Variants in ANKRD31 observed in about 807,000 individuals in gnomAD.
ANKRD31 encodes ankyrin repeat domain-containing protein 31.
A neutral mutation model predicts 186.0 loss-of-function variants in ANKRD31; 147 were observed. That is an observed-to-expected ratio of 0.79 (90% confidence interval 0.69 to 0.91). ANKRD31 has a LOEUF of 0.91. Ranked by LOEUF, ANKRD31 falls within the 40% of genes least tolerant of loss-of-function variation. The probability of loss-of-function intolerance (pLI) is 0.00; values close to 1 mark genes in which losing one functional copy is unlikely to be tolerated. For synonymous variants in ANKRD31, 673 were observed against 736.4 expected (o/e 0.91, Z 1.39); for missense variants, 1,986 against 2,148.8 (o/e 0.92, Z 1.50).
chr5:75,156,143 G>A (rs1752154562), intron 11 of ANKRD31, among the ~76,000 whole-genome samples: 1 of 152,130 alleles, frequency 6.6e-6, no homozygotes, highest in Admixed American at 6.5e-5. Flanking sequence ...AACCTCAAGA[G>A]ATCCACTCAC....
intron 17 of ANKRD31, among the ~76,000 whole-genome samples, chr5:75,120,520 G>A (rs191044070): frequency 4.3e-4 from 66 of 152,294 alleles, no homozygotes; most frequent in Middle Eastern, 3.4e-3. Flanking sequence ...TATGCCAGTG[G>A]ATAAAGTATG....
chr5:75,223,651 G>C (rs1210904142), intron 2 of ANKRD31, among the ~76,000 whole-genome samples: 1 of 152,104 alleles, frequency 6.6e-6, no homozygotes, highest in African/African-American at 2.4e-5. Flanking sequence ...ATGGATTCAA[G>C]GAAACCCAAA....
chr5:75,199,312 A>G (rs1755663504), intron 6 of ANKRD31, among the ~76,000 whole-genome samples: 1 of 152,242 alleles, frequency 6.6e-6, no homozygotes, highest in Non-Finnish European at 1.5e-5. Flanking sequence ...CCAAGTAAAA[A>G]GCAAATCCAA....
chr5:75,148,937 A>G (rs1288441914), intron 12 of ANKRD31, among the ~76,000 whole-genome samples: 1 of 151,860 alleles, frequency 6.6e-6, no homozygotes, highest in Non-Finnish European at 1.5e-5. Context: ...TGACCTTTTT[A>G]TTCAATAGAT....
chr5:75,174,705 C>T (rs563675343), intron 10 of ANKRD31, among the ~76,000 whole-genome samples: 41 of 152,122 alleles, frequency 2.7e-4, no homozygotes, highest in African/African-American at 7.5e-4. Context: ...AGTTAGAATG[C>T]GATCATTAAA....
chr5:75,101,508 C>A (rs561663103), intron 22 of ANKRD31, among the ~76,000 whole-genome samples: 4 of 152,188 alleles, frequency 2.6e-5, no homozygotes, highest in African/African-American at 9.6e-5. Context: ...TGGATAATAT[C>A]CTGAAGAGTG....
intron 10 of ANKRD31, among the ~76,000 whole-genome samples, chr5:75,176,247 G>A (rs1347162961): frequency 1.3e-5 from 2 of 152,180 alleles, no homozygotes. Context: ...AGCTCGAACT[G>A]GGTGGAGCCC....
At position 75,224,115 on chromosome 5, in the gene ANKRD31, T is replaced by A. The variant is rs1311879987; in HGVS notation, c.179-1757A>T. Among the ~76,000 whole-genome samples the A allele has an allele frequency of 5.6e-5, 7 of 124,630 alleles. No individual in the cohort carries two copies. The South Asian group carries it at 1.4e-3, about 24-fold the overall frequency. 81.8% of individuals were successfully genotyped at this position (124,630 alleles called of 152,430 possible). On this transcript the variant is annotated intron_variant, in intron 2 of 25. Transcript: ENST00000506364. ...CACACAACACAGGAAAAGGAAGAGATCTCTCAGAAATAATTATATATATAT... is the reference window on the plus strand; with the variant it reads ...CACACAACACAGGAAAAGGAAGAGAACTCTCAGAAATAATTATATATATAT...
Position 75,225,655 on chromosome 5 carries a change from T to C in ANKRD31, c.179-3297A>G, listed in dbSNP as rs1757582316. On this transcript the variant is annotated intron_variant, in intron 2 of 25. Transcript: ENST00000506364. Reference sequence around the variant, plus strand: ...ACAAGTGATGTGTTCCAAGAGCAGATAGGAGGTGTCTACTTAAAAGAAAAC... The same window carrying C: ...ACAAGTGATGTGTTCCAAGAGCAGACAGGAGGTGTCTACTTAAAAGAAAAC... The C allele has an allele frequency of 1.8e-5, 3 of 167,812 alleles. 1 individual carries two copies. The highest frequency in any genetic ancestry group is 2.8e-4 in the South Asian group (2 of 7,074). The allele number at this position is 167,812 out of a possible 1,614,324, so 10.4% of individuals were successfully genotyped here. A position where few individuals can be genotyped will look rare whatever the true frequency, so the allele number is the denominator to read the frequency against.
chr5:75,109,750 T>G (rs1054398851), intron 20 of ANKRD31, among the ~76,000 whole-genome samples: 1 of 152,134 alleles, frequency 6.6e-6, no homozygotes, highest in Non-Finnish European at 1.5e-5. Flanking sequence ...TCCTGAGGAC[T>G]TGTTGTGAAG....
chr5:75,230,108 G>A (rs567532792), intron 2 of ANKRD31, among the ~76,000 whole-genome samples: 3 of 151,966 alleles, frequency 2.0e-5, no homozygotes, highest in South Asian at 4.2e-4. Context: ...TTCTTCAATG[G>A]ACTGGCCTCC....
chr5:75,105,105 T>G lies in ANKRD31; in HGVS notation c.4454A>C (p.Lys1485Thr). ...VAKKQKKISLKIQNCRNVTSL... is the reference protein window; with the variant it reads ...VAKKQKKISLTIQNCRNVTSL... ...TGTAACATTCCTACAGTTTTGAATT[T>G]TCAGGCTTATTTTTTTCTGTTTTTT... The change falls in exon 22 of 26, where the codon AAA becomes ACA. Residue 1485 changes from lysine to threonine, a missense_variant. Physicochemically the swap from Lys to Thr is moderately conservative, Grantham distance 78. Coordinates refer to ENST00000506364, the MANE Select transcript of ANKRD31 (RefSeq NM_001372053.1). The G allele has an allele frequency of 6.5e-7, 1 of 1,537,158 alleles. No individual in the cohort carries two copies. Among genetic ancestry groups the G allele is most frequent in the Non-Finnish European group, 8.7e-7 (1 of 1,146,860 alleles).
At position 75,154,239 on chromosome 5, in the gene ANKRD31, T is replaced by C; in HGVS notation, c.1814A>G (p.Glu605Gly). 1 of 1,532,966 alleles carries C rather than the reference T, an allele frequency of 6.5e-7. No individual in the cohort carries two copies. The highest frequency in any genetic ancestry group is 1.2e-5 in the South Asian group (1 of 83,236). The allele number at this position is 1,532,966 out of a possible 1,614,324, so 95.0% of individuals were successfully genotyped here. Residue 605 changes from glutamate (E) to glycine (G), a missense_variant, in exon 12 of 26, where the codon GAG (glutamate) becomes GGG (glycine). By Grantham distance (98) the Glu-to-Gly change is moderately conservative. Transcript: ENST00000506364. ...TTTTTGATGTTTAGGGATATATCTCTCAAGGAGACGCTTCATACATAAATC... is the reference window on the plus strand; with the variant it reads ...TTTTTGATGTTTAGGGATATATCTCCCAAGGAGACGCTTCATACATAAATC... ...AKDLCMKRLL[E>G]RYIPKHQKCL...
intron 14 of ANKRD31, among the ~76,000 whole-genome samples, chr5:75,144,811 C>A (rs1211451499): frequency 1.3e-5 from 2 of 152,026 alleles, no homozygotes; most frequent in African/African-American, 4.8e-5. Context: ...AACAGGCAAC[C>A]TACTGAATGG....
At chr5:75,077,917 G>A (rs1184874279) in intron 25 of ANKRD31, among the ~76,000 whole-genome samples, 1 of 128,850 alleles carries the variant, frequency 7.8e-6, no homozygotes, top group East Asian at 2.2e-4. Flanking sequence ...GGGCGAAAGA[G>A]CGAGACTCCG....
chr5:75,083,252 C>A (rs1745221638), intron 24 of ANKRD31, among the ~76,000 whole-genome samples: 1 of 152,108 alleles, frequency 6.6e-6, no homozygotes, highest in African/African-American at 2.4e-5. Flanking sequence ...CTTGTACTAG[C>A]ATGTCAGCAC....
chr5:75,176,696 C>A (rs1753828451), intron 10 of ANKRD31, among the ~76,000 whole-genome samples: 1 of 152,112 alleles, frequency 6.6e-6, no homozygotes, highest in African/African-American at 2.4e-5. Context: ...GGAAAACTAA[C>A]AAAAAGAAAG....
In ANKRD31 at chr5:75,115,124, C is replaced by G. The variant is rs987514684; in HGVS notation, c.4155+1442G>C. The stretch of plus-strand genomic sequence containing the variant: ...CGCTGCATATCTACAACTATCTGAT[C>G]TTTGACAAACCTGAGAAAAACAAGC... On this transcript the variant is annotated intron_variant, in intron 19 of 25. Transcript: ENST00000506364. 2.2e-4 allele frequency among the ~76,000 whole-genome samples: 34 copies of G among 151,308 alleles called. No homozygotes were observed. In the South Asian group the frequency reaches 5.1e-3, roughly 23 times the overall value.
At chr5:75,150,483 T>C (rs1751766925) in intron 12 of ANKRD31, among the ~76,000 whole-genome samples, 1 of 152,010 alleles carries the variant, frequency 6.6e-6, no homozygotes, top group South Asian at 2.1e-4. Flanking sequence ...AGTAGGCTGA[T>C]AATTAATCAT....
Sources: allele counts gnomAD v4.1 joint callset (sites outside exome capture counted in the v4.1 genomes callset), GRCh38; gene constraint gnomAD v4.1.1; transcripts MANE v1.5; gene names NCBI Gene and HGNC (gene_info 2026-07-23, HGNC 2026-07-21).